SND1: variants seen among roughly 807,000 people sequenced by gnomAD.
The protein encoded by SND1 is staphylococcal nuclease domain-containing protein 1.
Under a neutral mutation model 121.7 loss-of-function variants are expected in SND1, and 38 were observed. The ratio of observed to expected loss-of-function variants is 0.31; its 90% CI spans 0.24 to 0.41. The LOEUF is 0.41. Ranked by LOEUF, SND1 falls within the 10% of genes least tolerant of loss-of-function variation. The pLI, the probability that SND1 is intolerant of heterozygous loss-of-function variation, is 1.00. For synonymous variants in SND1, 401 were observed against 447.4 expected, an observed-to-expected ratio of 0.90 and a Z score of 1.31; for missense variants, 868 against 1,184.6, an observed-to-expected ratio of 0.73 and a Z score of 3.92.
chr7:127,678,305 T>A (rs1049165967), intron 1 of SND1, among the ~76,000 whole-genome samples: 1 of 152,196 alleles, frequency 6.6e-6, no homozygotes, highest in Non-Finnish European at 1.5e-5. Flanking sequence ...CCAGATTAGA[T>A]GCTGTCTTTA....
At chr7:127,913,112 A>G (rs1156614722) in intron 14 of SND1, among the ~76,000 whole-genome samples, 3 of 152,232 alleles carry the variant, frequency 2.0e-5, no homozygotes, top group Admixed American at 2.0e-4. Flanking sequence ...TCAACACCTC[A>G]GAAAATGTTT....
intron 8 of SND1, 83 bp downstream of exon 8, chr7:127,705,028 C>T (rs1796164974): frequency 9.0e-7 from 1 of 1,112,418 alleles, no homozygotes; most frequent in Admixed American, 1.9e-5. Context: ...TGCTCACACC[C>T]CTGTGTGTCA....
intron 10 of SND1, among the ~76,000 whole-genome samples, chr7:127,759,102 G>A (rs200288021): frequency 9.1e-5 from 5 of 55,208 alleles, no homozygotes; most frequent in African/African-American, 6.4e-5. Context: ...AGATAGATAG[G>A]CAGGCAGGCA....
chr7:128,018,486 C>G (rs941140291), intron 16 of SND1, among the ~76,000 whole-genome samples: 1 of 152,206 alleles, frequency 6.6e-6, no homozygotes, highest in Non-Finnish European at 1.5e-5. Flanking sequence ...ATTTGCCTCC[C>G]TCCGTGGCCC....
intron 1 of SND1, among the ~76,000 whole-genome samples, chr7:127,686,243 A>G (rs1340412222): frequency 2.0e-5 from 3 of 152,286 alleles, no homozygotes; most frequent in Middle Eastern, 3.4e-3. Context: ...TGAGAATGGA[A>G]AGTGTTGATG....
rs546724744 is a variant in SND1 at position 127,665,807 on chromosome 7, A to T, written c.78+13356A>T. Among the ~76,000 whole-genome samples, 3 of 152,276 alleles carry T rather than the reference A, an allele frequency of 2.0e-5. No individual in the cohort carries two copies. The South Asian group carries it at 6.2e-4, about 32-fold the overall frequency. On this transcript the variant is annotated intron_variant, in intron 1 of 23. Transcript: ENST00000354725. Reference sequence around the variant, plus strand: ...TATAGCCTTTAATACAAGGACATTAAAAAAAATTTTGGTAATAACCCAAAA... The same window carrying T: ...TATAGCCTTTAATACAAGGACATTATAAAAAATTTTGGTAATAACCCAAAA...
At chr7:128,080,687 C>T (rs1793583681) in intron 17 of SND1, among the ~76,000 whole-genome samples, 1 of 152,166 alleles carries the variant, frequency 6.6e-6, no homozygotes, top group Non-Finnish European at 1.5e-5. Flanking sequence ...GAAAGCAGGG[C>T]TCTCACACTC....
At chr7:127,902,609 G>T (rs1800255964) in intron 13 of SND1, among the ~76,000 whole-genome samples, 1 of 152,218 alleles carries the variant, frequency 6.6e-6, no homozygotes, top group Non-Finnish European at 1.5e-5. Context: ...CAAAGGGTGA[G>T]TGGCAAAGCT....
At chr7:128,072,245 A>G (rs1793425875) in intron 16 of SND1, among the ~76,000 whole-genome samples, 1 of 152,226 alleles carries the variant, frequency 6.6e-6, no homozygotes, top group South Asian at 2.1e-4. Flanking sequence ...CACCAACCCC[A>G]GCAACCCAGT....
intron 8 of SND1, among the ~76,000 whole-genome samples, chr7:127,706,479 C>T (rs1048132889): frequency 6.6e-6 from 1 of 151,996 alleles, no homozygotes; most frequent in African/African-American, 2.4e-5. Context: ...AGGATGGTCT[C>T]GATCTCCTGA....
Position 128,029,689 on chromosome 7 carries a change from A to G in SND1, c.1779+38633A>G. The stretch of plus-strand genomic sequence containing the variant: ...CAGCAGGTGGAATTGGTGGGTATAT[A>G]CTCTCGAAGCCACCAGGCTAGCCAC... On this transcript the variant is annotated intron_variant, in intron 16 of 23. Transcript: ENST00000354725. This position sits in a 1 kb window ranked among gnomAD's most constrained non-coding sequence, Gnocchi z 4.2. 1 of 1,613,680 alleles carries G rather than the reference A, an allele frequency of 6.2e-7. No individual in the cohort carries two copies. The highest frequency in any genetic ancestry group is 8.5e-7 in the Non-Finnish European group (1 of 1,179,944).
intron 15 of SND1, among the ~76,000 whole-genome samples, chr7:127,978,144 GAAA>G (rs1486290641): frequency 6.6e-6 from 1 of 151,816 alleles, no homozygotes; most frequent in East Asian, 1.9e-4. Flanking sequence ...AGTGCAGAGA[GAAA>G]AAAAGGGCCC....
chr7:127,808,365 A>G (rs756611461), intron 11 of SND1, among the ~76,000 whole-genome samples: 3 of 151,994 alleles, frequency 2.0e-5, no homozygotes, highest in Non-Finnish European at 4.4e-5. Context: ...GAGTTTCACC[A>G]TGGTGGCCAG....
At chr7:127,976,528 C>T (rs571133023) in intron 15 of SND1, among the ~76,000 whole-genome samples, 3 of 152,366 alleles carry the variant, frequency 2.0e-5, no homozygotes, top group African/African-American at 7.2e-5. Flanking sequence ...GGCTAAAAAG[C>T]TTCCGTTGAG....
At chr7:127,697,623 C>G (rs2116330861) in intron 3 of SND1, among the ~76,000 whole-genome samples, 1 of 152,148 alleles carries the variant, frequency 6.6e-6, no homozygotes, top group African/African-American at 2.4e-5. Context: ...TCAGCAGTAA[C>G]CTCAACAGAA....
intron 11 of SND1, among the ~76,000 whole-genome samples, chr7:127,816,173 C>T (rs149188206): frequency 6.6e-6 from 1 of 152,298 alleles, no homozygotes; most frequent in Non-Finnish European, 1.5e-5. Context: ...CCATCCCAGT[C>T]ACAGGGCCTC....
intron 16 of SND1, among the ~76,000 whole-genome samples, chr7:128,026,532 C>T (rs1001725401): frequency 6.6e-6 from 1 of 152,220 alleles, no homozygotes; most frequent in Non-Finnish European, 1.5e-5. Flanking sequence ...CACGCAGCCT[C>T]TCTGGACATT....
chr7:127,694,561 G>A (rs1795975335), intron 2 of SND1: 1 of 404,358 alleles, frequency 2.5e-6, no homozygotes, highest in East Asian at 4.3e-5. Flanking sequence ...TAGGGAAAAA[G>A]TCCTGCTGCC....
intron 1 of SND1, among the ~76,000 whole-genome samples, chr7:127,683,647 A>G (rs1360814420): frequency 2.6e-5 from 4 of 152,226 alleles, no homozygotes; most frequent in Non-Finnish European, 5.9e-5. Flanking sequence ...CACCAAGGCA[A>G]TAGCCAAATG....
Sources: allele counts gnomAD v4.1 joint callset (sites outside exome capture counted in the v4.1 genomes callset), GRCh38; gene constraint gnomAD v4.1.1; non-coding constraint Gnocchi (gnomAD v3.1); transcripts MANE v1.5; gene names NCBI Gene and HGNC (gene_info 2026-07-23, HGNC 2026-07-21).